The following RAB5C variants were observed in gnomAD, a reference collection of about 807,000 sequenced individuals.
RAB5C encodes ras-related protein Rab-5C.
In RAB5C, 4 loss-of-function variants were observed where a neutral mutation model predicts 25.2. The observed-to-expected ratio is 0.16, with a 90% CI of 0.08 to 0.36. The LOEUF (loss-of-function observed/expected upper bound fraction) is 0.36, where lower values mean the gene tolerates loss of function less well. Among genes scored for constraint, RAB5C ranks in the 10% least tolerant of loss-of-function variants. The pLI is 1.00. For missense variants in RAB5C, 199 were observed against 283.8 expected (o/e 0.70, Z 2.15); for synonymous variants, 100 against 106.4 (o/e 0.94, Z 0.37).
At chr17:42,147,101 A>G (rs1396415929) in intron 1 of RAB5C, among the ~76,000 whole-genome samples, 1 of 151,704 alleles carries the variant, frequency 6.6e-6, no homozygotes. Flanking sequence ...AGAAAGAAGG[A>G]AAGACAGAAA....
At position 42,126,803 on chromosome 17, in the gene RAB5C, T is replaced by TA; in HGVS notation, c.486_487insT (p.Thr163TyrfsTer18). Reference sequence around the variant, plus strand: ...ACGTTCATTGCAGTCTTTGCTGATGTCTCCATGAACAGCAAACTGTTGTCG... The same window carrying TA: ...ACGTTCATTGCAGTCTTTGCTGATGTACTCCATGAACAGCAAACTGTTGTCG... On this transcript the variant is annotated frameshift_variant, in exon 5 of 6. Coordinates refer to ENST00000346213, the MANE Select transcript of RAB5C (RefSeq NM_004583.4). LOFTEE classifies it high-confidence loss of function. 1 of 1,613,598 alleles carries TA rather than the reference T, an allele frequency of 6.2e-7. No homozygotes were observed. Among genetic ancestry groups the TA allele is most frequent in the East Asian group, 2.2e-5 (1 of 44,860 alleles).
chr17:42,132,593 G>T (rs1009820441), intron 1 of RAB5C, among the ~76,000 whole-genome samples: 2 of 151,834 alleles, frequency 1.3e-5, no homozygotes, highest in African/African-American at 4.8e-5. Flanking sequence ...AGGCTAGAGT[G>T]CAGCGGTGTG....
At chr17:42,138,107 CTGATATTTA>C (rs1238515400) in intron 1 of RAB5C, among the ~76,000 whole-genome samples, 1 of 152,080 alleles carries the variant, frequency 6.6e-6, no homozygotes, top group Non-Finnish European at 1.5e-5. Flanking sequence ...TAAAGAGAAA[CTGATATTTA>C]TGTCTTTTCG....
intron 1 of RAB5C, among the ~76,000 whole-genome samples, chr17:42,146,055 C>T (rs1241462385): frequency 1.3e-5 from 2 of 152,198 alleles, no homozygotes; most frequent in Non-Finnish European, 2.9e-5. Context: ...GATCCACCCA[C>T]CTCGGCCTCC....
At chr17:42,144,796 G>C (rs964093715) in intron 1 of RAB5C, among the ~76,000 whole-genome samples, 177 of 151,788 alleles carry the variant, frequency 1.2e-3, no homozygotes, top group African/African-American at 4.0e-3. Context: ...GCGTGGTGGC[G>C]GGCGCCTGTA....
chr17:42,129,089 A>T (rs2054459674), intron 2 of RAB5C, among the ~76,000 whole-genome samples: 1 of 152,114 alleles, frequency 6.6e-6, no homozygotes, highest in Non-Finnish European at 1.5e-5. Flanking sequence ...CTGAAGAGCA[A>T]CACAGCAGGG....
At chr17:42,151,333 A>T (rs2079669967) in intron 1 of RAB5C, among the ~76,000 whole-genome samples, 2 of 152,104 alleles carry the variant, frequency 1.3e-5, no homozygotes, top group South Asian at 4.2e-4. Flanking sequence ...ACTACTCTGG[A>T]GGCTGAGGTA....
At chr17:42,132,543 AT>A (rs111994274) in intron 1 of RAB5C, among the ~76,000 whole-genome samples, 11 of 149,180 alleles carry the variant, frequency 7.4e-5, no homozygotes, top group Admixed American at 4.0e-4. Flanking sequence ...GAAGGAAATA[AT>A]TTTTTTTTTT....
intron 1 of RAB5C, among the ~76,000 whole-genome samples, chr17:42,143,820 CT>C (rs1348421029): frequency 6.6e-6 from 1 of 152,172 alleles, no homozygotes; most frequent in African/African-American, 2.4e-5. Context: ...AAGTCTCACT[CT>C]GTTGCCCAGG....
In RAB5C at chr17:42,136,027, C is replaced by T. The variant is rs117682724; in HGVS notation, c.-88-5437G>A. 2.4e-3 allele frequency among the ~76,000 whole-genome samples: 365 copies of T among 152,266 alleles called. 1 individual carries two copies. Among genetic ancestry groups the T allele is most frequent in the Non-Finnish European group, 4.2e-3 (285 of 68,016 alleles). ...CTTCTGACCAGTGACTCTTCAGCTA[C>T]ATTTTACCCCGGAAAAGGGCATTCC... On this transcript the variant is annotated intron_variant, in intron 1 of 5. Coordinates refer to ENST00000346213, the MANE Select transcript of RAB5C (RefSeq NM_004583.4).
intron 1 of RAB5C, among the ~76,000 whole-genome samples, chr17:42,145,136 G>A (rs1427049417): frequency 6.6e-6 from 1 of 151,860 alleles, no homozygotes; most frequent in Admixed American, 6.6e-5. Flanking sequence ...TTGCGCCACT[G>A]CACTCCAGCC....
In RAB5C at chr17:42,145,411, G is replaced by T. The variant is rs550528290; in HGVS notation, c.-89+9482C>A. On this transcript the variant is annotated intron_variant, in intron 1 of 5. Coordinates refer to ENST00000346213, the MANE Select transcript of RAB5C (RefSeq NM_004583.4). ...TCAGTCATGGAAAGGCTTGTGGATT[G>T]TATGTACCCTTGACATGATGTGATG... Among the ~76,000 whole-genome samples, 3 of 152,282 alleles carry T rather than the reference G, an allele frequency of 2.0e-5. No individual in the cohort carries two copies. The South Asian group carries it at 6.2e-4, about 32-fold the overall frequency.
intron 2 of RAB5C, chr17:42,130,128 C>A: frequency 1.6e-6 from 1 of 634,184 alleles, no homozygotes; most frequent in African/African-American, 1.8e-5. Context: ...CTTTCCACTC[C>A]CAGCAAATGC....
At position 42,128,803 on chromosome 17, in the gene RAB5C, G is replaced by GT. The variant is rs1294595602; in HGVS notation, c.167-4dup. On this transcript the variant is annotated splice_polypyrimidine_tract_variant and splice_region_variant and intron_variant, in intron 2 of 5. Coordinates refer to ENST00000346213, the MANE Select transcript of RAB5C (RefSeq NM_004583.4). The stretch of plus-strand genomic sequence containing the variant: ...GACAGTCTGTGTGAGGAAGGCCGCT[G>GT]TAAGAGAGAAGGAGCGTCCATGGGC... The GT allele has an allele frequency of 2.0e-6, 3 of 1,493,114 alleles. No homozygotes were observed. The highest frequency in any genetic ancestry group is 2.7e-6 in the Non-Finnish European group (3 of 1,121,534). 92.5% of individuals were successfully genotyped at this position (1,493,114 alleles called of 1,614,324 possible). A position where few individuals can be genotyped will look rare whatever the true frequency, so the allele number is the denominator to read the frequency against.
At chr17:42,143,004 T>A (rs2079611774) in intron 1 of RAB5C, among the ~76,000 whole-genome samples, 1 of 152,286 alleles carries the variant, frequency 6.6e-6, no homozygotes, top group South Asian at 2.1e-4. Flanking sequence ...CACACCTCCA[T>A]AGGTAAATTC....
intron 4 of RAB5C, 142 bp from the exon 5 acceptor site, chr17:42,126,990 A>T: frequency 2.0e-6 from 1 of 506,852 alleles, no homozygotes; most frequent in Admixed American, 3.3e-5. Context: ...TTTCAGGCCT[A>T]AGGCTGCCCT....
In RAB5C at chr17:42,140,509, ATATATATTTTTTTTTTT is replaced by A. The variant is rs1305432171; in HGVS notation, c.-88-9936_-88-9920del. ...AATATATATATATATATATATATAT[ATATATATTTTTTTTTTT>A]TTTTTTTTTTTTTTTGAGATGGAGT... On this transcript the variant is annotated intron_variant, in intron 1 of 5. Coordinates refer to ENST00000346213, the MANE Select transcript of RAB5C (RefSeq NM_004583.4). Among the ~76,000 whole-genome samples, 250 of 36,128 alleles carry A rather than the reference ATATATATTTTTTTTTTT, an allele frequency of 6.9e-3. No homozygotes were observed. In the African/African-American group the frequency reaches 0.076, roughly 11 times the overall value. 23.7% of individuals were successfully genotyped at this position (36,128 alleles called of 152,430 possible).
chr17:42,137,232 G>A (rs1333789769), intron 1 of RAB5C, among the ~76,000 whole-genome samples: 1 of 151,826 alleles, frequency 6.6e-6, no homozygotes, highest in Non-Finnish European at 1.5e-5. Flanking sequence ...CTTGAACCCA[G>A]GAGACAGAGG....
chr17:42,143,177 T>A (rs943017462), intron 1 of RAB5C, among the ~76,000 whole-genome samples: 7 of 152,156 alleles, frequency 4.6e-5, no homozygotes, highest in African/African-American at 1.7e-4. Flanking sequence ...CACCTCTACC[T>A]TTCCCAACTC....
Sources: allele counts gnomAD v4.1 joint callset (sites outside exome capture counted in the v4.1 genomes callset), GRCh38; gene constraint gnomAD v4.1.1; transcripts MANE v1.5; gene names NCBI Gene and HGNC (gene_info 2026-07-23, HGNC 2026-07-21).